FCGR2A: variants seen among roughly 807,000 people sequenced by gnomAD.
The protein encoded by FCGR2A is Fc gamma receptor IIa, also known as low affinity immunoglobulin gamma Fc region receptor II-a.
A neutral mutation model predicts 29.3 loss-of-function variants in FCGR2A; 18 were observed. The ratio of observed to expected loss-of-function variants is 0.62; its 90% confidence interval spans 0.43 to 0.91. The LOEUF (loss-of-function observed/expected upper bound fraction) is 0.91. FCGR2A is among the 40% of genes least tolerant of loss of function. The pLI is 0.00. For missense variants in FCGR2A, 287 were observed against 393.0 expected, an observed-to-expected ratio of 0.73 and a Z score of 2.28; for synonymous variants, 126 against 144.8, an observed-to-expected ratio of 0.87 and a Z score of 0.93.
chr1:161,518,735 A>G lies in FCGR2A; in HGVS notation c.*587A>G, dbSNP rs7530938. ...AGCGATTCTCATGCCTCAGCCTCCC[A>G]GTAGCTGGGATTAGAGGCATGTGCC... On this transcript the variant is annotated 3_prime_UTR_variant, in exon 7 of 7. Coordinates refer to ENST00000271450, the MANE Select transcript of FCGR2A (RefSeq NM_001136219.3). 6.4e-6 allele frequency: 1 copy of G among 156,564 alleles called. No individual in the cohort carries two copies. The highest frequency in any genetic ancestry group is 2.4e-5 in the African/African-American group (1 of 41,356). The allele number at this position is 156,564 out of a possible 1,614,324, so 9.7% of individuals were successfully genotyped here.
intron 5 of FCGR2A, chr1:161,513,233 A>G (rs1475759490): frequency 6.6e-6 from 1 of 150,864 alleles, no homozygotes; most frequent in Non-Finnish European, 1.5e-5. Context: ...TGACAAAAAC[A>G]TGAGGCAATT....
At position 161,510,972 on chromosome 1, in the gene FCGR2A, CA is replaced by C. The variant is rs754735473; in HGVS notation, c.742+17del. 6.2e-7 allele frequency: 1 copy of C among 1,614,100 alleles called. No individual in the cohort carries two copies. The highest frequency in any genetic ancestry group is 1.1e-5 in the South Asian group (1 of 91,088). ...CGGATTTCAGGTTTGTAGCTCCTCC[CA>C]GTCCCTTTTGTTATCAGTTTCCATT... On this transcript the variant is annotated intron_variant, in intron 5 of 6. Coordinates refer to ENST00000271450, the MANE Select transcript of FCGR2A (RefSeq NM_001136219.3).
At position 161,518,268 on chromosome 1, in the gene FCGR2A, C is replaced by T. The variant is rs1676266147; in HGVS notation, c.*120C>T. ...AAAAATCCTGAGCAAACAAAACCAC[C>T]TGGCCCTTAGAAATAGCTTTAACTT... On this transcript the variant is annotated 3_prime_UTR_variant, in exon 7 of 7. Transcript: ENST00000271450. 4.7e-6 allele frequency: 7 copies of T among 1,496,458 alleles called. No homozygotes were observed. The highest frequency in any genetic ancestry group is 2.3e-5 in the East Asian group (1 of 43,274). The allele number at this position is 1,496,458 out of a possible 1,614,324, so 92.7% of individuals were successfully genotyped here. A position where few individuals can be genotyped will look rare whatever the true frequency, so the allele number is the denominator to read the frequency against.
intron 3 of FCGR2A, 110 bp downstream of exon 3, chr1:161,506,701 C>T (rs1045870026): frequency 1.3e-6 from 2 of 1,542,354 alleles, no homozygotes; most frequent in South Asian, 2.5e-5. Flanking sequence ...TACTGGGAAG[C>T]ACTGTTGTGA....
intron 5 of FCGR2A, among the ~76,000 whole-genome samples, chr1:161,511,269 G>T (rs1053902743): frequency 6.6e-6 from 1 of 152,156 alleles, no homozygotes; most frequent in African/African-American, 2.4e-5. Context: ...TAGGGAAGGA[G>T]GACTCTCCAG....
At chr1:161,514,000 G>A in intron 6 of FCGR2A, 68 bp downstream of exon 6, 5 of 1,611,952 alleles carry the variant, frequency 3.1e-6, no homozygotes, top group Non-Finnish European at 3.4e-6. Flanking sequence ...TCTCATTTTT[G>A]CCTTTGTTAA....
chr1:161,523,843 A>T (rs41297658), downstream of FCGR2A: 1 of 151,718 alleles, frequency 6.6e-6, no homozygotes, highest in Non-Finnish European at 1.5e-5. Context: ...GAAAAAAATG[A>T]AAGTGCATTG....
downstream of FCGR2A, among the ~76,000 whole-genome samples, chr1:161,522,131 T>A (rs1216177582): frequency 6.6e-6 from 1 of 151,944 alleles, no homozygotes; most frequent in African/African-American, 2.4e-5. Context: ...AGGCCACGAG[T>A]TCAAGGCTGC....
At chr1:161,517,715 T>A (rs980668245) in intron 6 of FCGR2A, among the ~76,000 whole-genome samples, 3 of 152,158 alleles carry the variant, frequency 2.0e-5, no homozygotes, top group African/African-American at 7.2e-5. Context: ...TTTAGTCTGT[T>A]CTGTTTGGGC....
chr1:161,509,736 T>C (rs571927874), intron 3 of FCGR2A, 84 bp from the exon 4 acceptor site: 88 of 1,544,692 alleles, frequency 5.7e-5, no homozygotes, highest in Non-Finnish European at 7.3e-5. Flanking sequence ...TCATGTCAAG[T>C]TCTGTGAGTA....
In FCGR2A at chr1:161,518,214, T is replaced by C; in HGVS notation, c.*66T>C. 1 of 1,569,048 alleles carries C rather than the reference T, an allele frequency of 6.4e-7. No homozygotes were observed. The highest frequency in any genetic ancestry group is 8.6e-7 in the Non-Finnish European group (1 of 1,160,728). ...GAGTGGATGACAAAAAGAGGGGAAT[T>C]GTTAAAGGAAAATTTAAATGGAGAC... On this transcript the variant is annotated 3_prime_UTR_variant, in exon 7 of 7. Transcript: ENST00000271450.
downstream of FCGR2A, chr1:161,519,897 A>G (rs1676385577): frequency 6.6e-6 from 1 of 151,952 alleles, no homozygotes; most frequent in African/African-American, 2.4e-5. Context: ...CTGCACTGCT[A>G]TTTTCCCAGT....
At chr1:161,515,667 C>T (rs994686107) in intron 6 of FCGR2A, among the ~76,000 whole-genome samples, 3 of 151,984 alleles carry the variant, frequency 2.0e-5, no homozygotes, top group African/African-American at 7.2e-5. Flanking sequence ...AACAAACTGG[C>T]AAATGAAAAA....
Position 161,507,236 on chromosome 1 carries a change from T to G in FCGR2A, c.364+645T>G, listed in dbSNP as rs999482308. On this transcript the variant is annotated intron_variant, in intron 3 of 6. Transcript: ENST00000271450. ...GCTTCTAGATAGTATTTCTTTTTTT[T>G]TTCCCCCAAGTAGCTGGGACTCCAG... 3.1e-4 allele frequency among the ~76,000 whole-genome samples: 47 copies of G among 152,168 alleles called. 1 individual carries two copies. Among genetic ancestry groups the G allele is most frequent in the African/African-American group, 1.1e-3 (46 of 41,438 alleles).
intron 1 of FCGR2A, 88 bp from the exon 2 acceptor site, chr1:161,505,899 G>C: frequency 1.5e-6 from 2 of 1,327,314 alleles, no homozygotes; most frequent in South Asian, 1.2e-5. Context: ...AAGAGCCCAA[G>C]CTCACCTCCC....
chr1:161,509,748 C>T lies in FCGR2A; in HGVS notation c.365-72C>T, dbSNP rs774448229. 3.0e-5 allele frequency: 47 copies of T among 1,578,472 alleles called. No individual in the cohort carries two copies. In the Middle Eastern group the frequency reaches 5.7e-4, roughly 19 times the overall value. ...ACATCATGTCAAGTTCTGTGAGTAA[C>T]GTACCTCTGAGACTGAAAAACCCTT... On this transcript the variant is annotated intron_variant, in intron 3 of 6. Coordinates refer to ENST00000271450, the MANE Select transcript of FCGR2A (RefSeq NM_001136219.3).
At chr1:161,506,656 C>T (rs779990595) in intron 3 of FCGR2A, 65 bp downstream of exon 3, 1 of 1,600,140 alleles carries the variant, frequency 6.2e-7, no homozygotes, top group Non-Finnish European at 8.5e-7. Context: ...TGTTTACAGA[C>T]AGAGGTTTGC....
intron 5 of FCGR2A, among the ~76,000 whole-genome samples, chr1:161,511,737 C>T (rs1279445640): frequency 6.6e-6 from 1 of 152,240 alleles, no homozygotes; most frequent in Non-Finnish European, 1.5e-5. Flanking sequence ...ACTGCCTAAT[C>T]CTGCTAACCT....
At chr1:161,515,232 T>G (rs1476465439) in intron 6 of FCGR2A, among the ~76,000 whole-genome samples, 3 of 152,244 alleles carry the variant, frequency 2.0e-5, no homozygotes, top group East Asian at 3.8e-4. Flanking sequence ...CTTTACAATG[T>G]GCTAATAAGA....
Sources: gnomAD v4.1 joint callset for allele counts (sites outside exome capture counted in the v4.1 genomes callset) on GRCh38, gnomAD v4.1.1 for gene constraint, MANE v1.5 for transcripts, NCBI Gene and HGNC (gene_info 2026-07-23, HGNC 2026-07-21) for gene names.